The following SRRM3 variants were observed in gnomAD, a reference collection of about 807,000 sequenced individuals.
SRRM3 encodes serine/arginine repetitive matrix 3, also known as serine/arginine repetitive matrix protein 3.
SRRM3 carries 27 observed loss-of-function variants against 66.2 expected under a neutral mutation model. The ratio of observed to expected loss-of-function variants is 0.41; its 90% confidence interval spans 0.30 to 0.56. The LOEUF (loss-of-function observed/expected upper bound fraction) is 0.56, where lower values mean the gene tolerates loss of function less well. Among genes scored for constraint, SRRM3 ranks in the 20% least tolerant of loss-of-function variants. The probability of loss-of-function intolerance (pLI) is 0.32; values close to 1 mark genes in which losing one functional copy is unlikely to be tolerated. For synonymous variants in SRRM3, 391 were observed against 414.9 expected (o/e 0.94, Z 0.70); for missense variants, 918 against 991.9 (o/e 0.93, Z 1.00).
intron 1 of SRRM3, among the ~76,000 whole-genome samples, chr7:76,227,293 G>A (rs552292374): frequency 6.6e-6 from 1 of 152,200 alleles, no homozygotes; most frequent in South Asian, 2.1e-4. Context: ...TAGAGTTAGG[G>A]TTCAGATTAT....
chr7:76,259,789 C>T (rs1801806445), intron 3 of SRRM3, 117 bp from the exon 4 acceptor site: 1 of 1,518,374 alleles, frequency 6.6e-7, no homozygotes, highest in African/African-American at 1.4e-5. Context: ...CCTCGCCCCT[C>T]CCCCAGCCGG....
rs1480732644 is a variant in SRRM3, at chr7:76,266,110, C to T, written c.830+642C>T. Reference sequence around the variant, plus strand: ...GTCTCGATCTCCTGACCTCGTGATCCGCCCGCCTCGGCCTCCCAAAGTGCT... The same window carrying T: ...GTCTCGATCTCCTGACCTCGTGATCTGCCCGCCTCGGCCTCCCAAAGTGCT... On this transcript the variant is annotated intron_variant, in intron 10 of 14. Transcript: ENST00000611745. Among the ~76,000 whole-genome samples the T allele has an allele frequency of 5.5e-4, 42 of 76,688 alleles. 16 individuals are homozygous for T. The highest frequency in any genetic ancestry group is 4.7e-3 in the African/African-American group (39 of 8,362). The allele number at this position is 76,688 out of a possible 152,430, so 50.3% of individuals were successfully genotyped here.
chr7:76,256,299 G>A (rs1554607673), intron 3 of SRRM3, among the ~76,000 whole-genome samples: 1 of 152,140 alleles, frequency 6.6e-6, no homozygotes, highest in Non-Finnish European at 1.5e-5. Context: ...CTGAGGTCAG[G>A]AGTTCGAGAC....
chr7:76,239,960 T>G (rs1489283737), intron 2 of SRRM3, among the ~76,000 whole-genome samples: 6 of 151,248 alleles, frequency 4.0e-5, no homozygotes, highest in African/African-American at 1.5e-4. Flanking sequence ...GGTCAGGAGT[T>G]CGAGACCAGC....
chr7:76,254,271 T>C (rs1242351424), intron 3 of SRRM3, among the ~76,000 whole-genome samples: 1 of 152,016 alleles, frequency 6.6e-6, no homozygotes, highest in Non-Finnish European at 1.5e-5. Context: ...TACTCCCACT[T>C]AAGCCTCCCA....
chr7:76,211,783 G>A (rs1800436178), intron 1 of SRRM3, among the ~76,000 whole-genome samples: 1 of 150,650 alleles, frequency 6.6e-6, no homozygotes, highest in Non-Finnish European at 1.5e-5. Flanking sequence ...ATCTGAGTGT[G>A]GGGCCTGAAT....
At chr7:76,271,990 C>G (rs56667193) in intron 11 of SRRM3, among the ~76,000 whole-genome samples, 1 of 152,084 alleles carries the variant, frequency 6.6e-6, no homozygotes, top group African/African-American at 2.4e-5. Flanking sequence ...AAATAAATAT[C>G]GAGGCACAGA....
At chr7:76,224,422 T>C (rs904608476) in intron 1 of SRRM3, among the ~76,000 whole-genome samples, 43 of 134,142 alleles carry the variant, frequency 3.2e-4, no homozygotes, top group African/African-American at 1.1e-3. Flanking sequence ...ATCATTCTCT[T>C]CATGAAACCT....
chr7:76,234,189 C>T (rs1242956835), intron 1 of SRRM3, among the ~76,000 whole-genome samples: 1 of 135,868 alleles, frequency 7.4e-6, no homozygotes. Flanking sequence ...GATAGAAGTC[C>T]TTGGAGTGTG....
intron 1 of SRRM3, among the ~76,000 whole-genome samples, chr7:76,216,299 G>A (rs527283449): frequency 6.6e-6 from 1 of 151,824 alleles, no homozygotes; most frequent in Non-Finnish European, 1.5e-5. Context: ...TTCCCACCTC[G>A]GCCTCCCAAA....
intron 8 of SRRM3, 88 bp downstream of exon 8, chr7:76,261,669 T>C: frequency 7.2e-7 from 1 of 1,396,962 alleles, no homozygotes; most frequent in Non-Finnish European, 9.9e-7. Context: ...GTTTTGAGGG[T>C]CCCACAGGGC....
rs138261399 is a variant in SRRM3, at chr7:76,279,913, C to T, written c.1009-1528C>T. 4.8e-3 allele frequency among the ~76,000 whole-genome samples: 738 copies of T among 152,236 alleles called. 5 individuals are homozygous for T. The highest frequency in any genetic ancestry group is 0.017 in the African/African-American group (698 of 41,528). On this transcript the variant is annotated intron_variant, in intron 11 of 14. Coordinates refer to ENST00000611745, the MANE Select transcript of SRRM3 (RefSeq NM_001110199.3). ...GCGCTGCCAGCCCTTCCTCCAGAGG[C>T]GGCGTGGCCTCTTCTCAGGCCTAGA...
At position 76,261,589 on chromosome 7, in the gene SRRM3, G is replaced by A; in HGVS notation, c.674+8G>A. The A allele has an allele frequency of 6.2e-7, 1 of 1,610,344 alleles. No individual in the cohort carries two copies. Among genetic ancestry groups the A allele is most frequent in the Non-Finnish European group, 8.5e-7 (1 of 1,178,496 alleles). ...GAGGAAGAGACGGCACAGGTGAGCG[G>A]CGCTTTGCAGAGGACATGGTCAGTG... On this transcript the variant is annotated splice_region_variant and intron_variant, in intron 8 of 14. Coordinates refer to ENST00000611745, the MANE Select transcript of SRRM3 (RefSeq NM_001110199.3).
rs1219008174 is a variant in SRRM3 at position 76,267,277 on chromosome 7, G to C, written c.850G>C (p.Asp284His). The stretch of plus-strand genomic sequence containing the variant: ...CCCCAGGCTGAGCCCCAAGCACCGA[G>C]ACGAAGGGCGAAAGACGGGCAGCCA... ...SPSRLSPKHR[D>H]EGRKTGSQRS... The change falls in exon 11 of 15, where the codon GAC becomes CAC. Residue 284 changes from aspartate to histidine, a missense_variant. Transcript: ENST00000611745. 6.4e-7 allele frequency: 1 copy of C among 1,555,022 alleles called. No individual in the cohort carries two copies. Among genetic ancestry groups the C allele is most frequent in the Non-Finnish European group, 8.6e-7 (1 of 1,156,988 alleles).
rs566562631 is a variant in SRRM3 at position 76,249,910 on chromosome 7, T to C, written c.335+1621T>C. On this transcript the variant is annotated intron_variant, in intron 3 of 14. Transcript: ENST00000611745. ...TAATAATAATAAATCTTAGCCTACA[T>C]GCAGGAATGGGTAAAGGTCTCTTAA... Among the ~76,000 whole-genome samples the C allele has an allele frequency of 3.0e-4, 45 of 152,218 alleles. 1 individual carries two copies. The highest frequency in any genetic ancestry group is 1.2e-3 in the South Asian group (6 of 4,830).
At chr7:76,251,269 G>A (rs781977620) in intron 3 of SRRM3, among the ~76,000 whole-genome samples, 12 of 152,118 alleles carry the variant, frequency 7.9e-5, no homozygotes, top group Non-Finnish European at 1.5e-4. Flanking sequence ...TTCACAAGGG[G>A]GTAAAACTTC....
intron 11 of SRRM3, 180 bp downstream of exon 11, chr7:76,267,615 T>G: frequency 2.0e-6 from 1 of 509,712 alleles, no homozygotes. Context: ...CCGGGAGTGC[T>G]AGGCCGTTGC....
At chr7:76,231,430 A>G (rs1801012208) in intron 1 of SRRM3, among the ~76,000 whole-genome samples, 1 of 152,214 alleles carries the variant, frequency 6.6e-6, no homozygotes. Context: ...TGGAGATCTG[A>G]GTGCATTCAG....
intron 3 of SRRM3, among the ~76,000 whole-genome samples, chr7:76,248,516 C>G (rs1194773940): frequency 6.6e-6 from 1 of 152,164 alleles, no homozygotes; most frequent in African/African-American, 2.4e-5. Flanking sequence ...CCTACCCTCC[C>G]TGGGTCCTAC....
Sources: allele counts gnomAD v4.1 joint callset (sites outside exome capture counted in the v4.1 genomes callset), GRCh38; gene constraint gnomAD v4.1.1; transcripts MANE v1.5; gene names NCBI Gene and HGNC (gene_info 2026-07-23, HGNC 2026-07-21).